Variants in OAS1 observed in about 807,000 individuals in gnomAD.
OAS1 encodes 2'-5'-oligoadenylate synthetase 1.
A neutral mutation model predicts 38.5 loss-of-function variants in OAS1; 24 were observed. The observed-to-expected ratio is 0.62, with a 90% CI of 0.45 to 0.88. The LOEUF (loss-of-function observed/expected upper bound fraction) is 0.88. Among genes scored for constraint, OAS1 ranks in the 40% least tolerant of loss-of-function variants. The pLI, the probability that OAS1 is intolerant of heterozygous loss-of-function variation, is 0.00. For missense variants in OAS1, 482 were observed against 493.9 expected (o/e 0.98, Z 0.23); for synonymous variants, 169 against 193.9 (o/e 0.87, Z 1.07).
At chr12:112,911,322 G>C in intron 3 of OAS1, 87 bp downstream of exon 3, 2 of 1,031,032 alleles carry the variant, frequency 1.9e-6, no homozygotes, top group Non-Finnish European at 2.7e-6. Context: ...AGGGAGTGAA[G>C]GGAAGAGGAG....
In OAS1 at chr12:112,907,189, C is replaced by G; in HGVS notation, c.150C>G (p.Ser50=). 6.2e-7 allele frequency: 1 copy of G among 1,614,172 alleles called. No homozygotes were observed. Among genetic ancestry groups the G allele is most frequent in the Non-Finnish European group, 8.5e-7 (1 of 1,180,028 alleles). The change falls in exon 1 of 6, where the codon TCC becomes TCG. Residue 50 remains serine, a synonymous_variant. Transcript: ENST00000202917. ...AGGAAAGGTGCTTCCGAGGTAGCTCCTACCCTGTGTGTGTGTCCAAGGTGG... is the reference window on the plus strand; with the variant it reads ...AGGAAAGGTGCTTCCGAGGTAGCTCGTACCCTGTGTGTGTGTCCAAGGTGG... The part of the protein sequence containing the change: ...FLKERCFRGS[S]YPVCVSKVVK...
intron 6 of OAS1, among the ~76,000 whole-genome samples, chr12:112,926,698 C>T (rs1314530059): frequency 5.9e-5 from 9 of 152,106 alleles, no homozygotes; most frequent in South Asian, 2.1e-4. Flanking sequence ...TTTCATGTTC[C>T]ACTGTGCATG....
chr12:112,919,156 C>T (rs1593163596), intron 5 of OAS1: 2 of 489,356 alleles, frequency 4.1e-6, no homozygotes, highest in South Asian at 4.4e-5. Flanking sequence ...TGCTTGGGCA[C>T]CTTGGGAAAG....
At chr12:112,912,016 C>A (rs2043389155) in intron 3 of OAS1, among the ~76,000 whole-genome samples, 1 of 152,208 alleles carries the variant, frequency 6.6e-6, no homozygotes, top group African/African-American at 2.4e-5. Flanking sequence ...GGTCACATGG[C>A]TCATTCGGCC....
At chr12:112,919,244 C>T in intron 5 of OAS1, 145 bp from the exon 6 acceptor site, 1 of 748,160 alleles carries the variant, frequency 1.3e-6, no homozygotes, top group East Asian at 2.6e-5. Context: ...TGTCTGCTGA[C>T]CACTGTCCCA....
In OAS1 at chr12:112,929,756, A is replaced by G. The variant is rs949865315; in HGVS notation, c.1168-2122A>G. Among the ~76,000 whole-genome samples, 3 of 152,128 alleles carry G rather than the reference A, an allele frequency of 2.0e-5. No homozygotes were observed. The South Asian group carries it at 6.2e-4, about 32-fold the overall frequency. On this transcript the variant is annotated intron_variant, in intron 6 of 6. Coordinates refer to the OAS1 transcript ENST00000540589. ...ACCCAGGCAAGAAGAGTCCTTTTTT[A>G]TGATAATAAGGTGGAAGAAGGCAAG...
intron 6 of OAS1, among the ~76,000 whole-genome samples, chr12:112,930,225 G>A (rs6489875): frequency 0.74 from 113,119 of 152,074 alleles, 43,370 homozygotes; most frequent in African/African-American, 0.94. Context: ...GGCCTCCCCA[G>A]AAGCCAAGCA....
chr12:112,921,643 A>C (rs1006573596), downstream of OAS1, among the ~76,000 whole-genome samples: 35 of 152,300 alleles, frequency 2.3e-4, no homozygotes, highest in African/African-American at 8.2e-4. Flanking sequence ...ACCTTTTCCC[A>C]TGACTAACAC....
Position 112,919,480 on chromosome 12 carries a change from C to G in OAS1, c.1130C>G (p.Ser377Cys). Residue 377 changes from serine (S) to cysteine (C), a missense_variant, in exon 6 of 6, where the codon TCT becomes TGT. Transcript: ENST00000202917. ...GGAACACATGAGTACCCTCATTTCTCTCATAGACCCAGCACACTCCAGGCA... is the reference window on the plus strand; with the variant it reads ...GGAACACATGAGTACCCTCATTTCTGTCATAGACCCAGCACACTCCAGGCA... ...YIGTHEYPHF[S>C]HRPSTLQAAS... The G allele has an allele frequency of 6.2e-7, 1 of 1,614,216 alleles. No individual in the cohort carries two copies. The highest frequency in any genetic ancestry group is 8.5e-7 in the Non-Finnish European group (1 of 1,180,040).
At chr12:112,922,771 C>T (rs2043538302), downstream of OAS1, among the ~76,000 whole-genome samples, 1 of 152,236 alleles carries the variant, frequency 6.6e-6, no homozygotes, top group Admixed American at 6.5e-5. Flanking sequence ...CTTCTTCCAT[C>T]AGCTCCACAG....
intron 4 of OAS1, 117 bp from the exon 5 acceptor site, chr12:112,917,430 C>T: frequency 7.2e-7 from 1 of 1,398,028 alleles, no homozygotes; most frequent in Non-Finnish European, 9.9e-7. Context: ...GGAGCCCTTC[C>T]TCATGTTCTG....
At chr12:112,914,395 A>T (rs1335027325) in intron 3 of OAS1, among the ~76,000 whole-genome samples, 2 of 152,208 alleles carry the variant, frequency 1.3e-5, no homozygotes, top group African/African-American at 2.4e-5. Context: ...TTGTGCTGTT[A>T]TAAACATGTG....
At chr12:112,913,402 A>G (rs1307082975) in intron 3 of OAS1, among the ~76,000 whole-genome samples, 1 of 152,224 alleles carries the variant, frequency 6.6e-6, no homozygotes, top group Non-Finnish European at 1.5e-5. Context: ...ATCTTTAATC[A>G]GTTTTGAAAC....
At chr12:112,910,213 C>T (rs1186582085) in intron 2 of OAS1, among the ~76,000 whole-genome samples, 1 of 151,838 alleles carries the variant, frequency 6.6e-6, no homozygotes, top group East Asian at 1.9e-4. Flanking sequence ...ACTAAAAATA[C>T]AAAAATTAGC....
chr12:112,907,291 A>G, intron 1 of OAS1, 72 bp downstream of exon 1: 1 of 1,491,910 alleles, frequency 6.7e-7, no homozygotes, highest in Non-Finnish European at 9.2e-7. Context: ...AATGAGAGAG[A>G]GAGAGAGAGA....
At chr12:112,912,230 C>T (rs970538363) in intron 3 of OAS1, among the ~76,000 whole-genome samples, 11 of 152,100 alleles carry the variant, frequency 7.2e-5, no homozygotes, top group African/African-American at 2.7e-4. Flanking sequence ...GCCCCAGCTA[C>T]TGGGTAGGCT....
At position 112,907,200 on chromosome 12, in the gene OAS1, G is replaced by T; in HGVS notation, c.161G>T (p.Cys54Phe). ...RCFRGSSYPV[C>F]VSKVVKGGSS... ...TTCCGAGGTAGCTCCTACCCTGTGT[G>T]TGTGTCCAAGGTGGTAAAGGTGAGT... The change falls in exon 1 of 6, where the codon TGT (cysteine) becomes TTT (phenylalanine). Residue 54 changes from cysteine (C) to phenylalanine (F), a missense_variant. By Grantham distance (205) the Cys-to-Phe change is radical. Coordinates refer to ENST00000202917, the MANE Select transcript of OAS1 (RefSeq NM_016816.4). The T allele has an allele frequency of 6.2e-6, 10 of 1,614,208 alleles. No homozygotes were observed. The highest frequency in any genetic ancestry group is 8.5e-6 in the Non-Finnish European group (10 of 1,180,032).
intron 4 of OAS1, 152 bp from the exon 5 acceptor site, chr12:112,917,395 A>G (rs1482698285): frequency 1.1e-6 from 1 of 952,146 alleles, no homozygotes; most frequent in African/African-American, 1.6e-5. Flanking sequence ...CTGCTGGGGA[A>G]TAGGGCACTG....
chr12:112,920,469 A>G (rs1031140956), downstream of OAS1, among the ~76,000 whole-genome samples: 1 of 152,238 alleles, frequency 6.6e-6, no homozygotes, highest in South Asian at 2.1e-4. Context: ...TTTGAGTTAA[A>G]TCAAATGAAC....
Sources: gnomAD v4.1 joint callset for allele counts (sites outside exome capture counted in the v4.1 genomes callset) on GRCh38, gnomAD v4.1.1 for gene constraint, MANE v1.5 for transcripts, NCBI Gene and HGNC (gene_info 2026-07-23, HGNC 2026-07-21) for gene names.